Variants in ADGRD1 observed in about 807,000 individuals in gnomAD.
The protein encoded by ADGRD1 is adhesion G protein-coupled receptor D1.
Under a neutral mutation model 113.4 loss-of-function variants are expected in ADGRD1, and 77 were observed. That is an observed-to-expected ratio of 0.68 (90% CI 0.57 to 0.82). The LOEUF (loss-of-function observed/expected upper bound fraction) is 0.82. ADGRD1 is among the 40% of genes least tolerant of loss of function. The pLI, the probability that ADGRD1 is intolerant of heterozygous loss-of-function variation, is 0.00. For missense variants in ADGRD1, 1,036 were observed against 1,139.1 expected (o/e 0.91, Z 1.30); for synonymous variants, 474 against 475.0 (o/e 1.00, Z 0.03).
chr12:131,085,254 G>A (rs994044183), intron 15 of ADGRD1, among the ~76,000 whole-genome samples: 6 of 152,178 alleles, frequency 3.9e-5, no homozygotes, highest in Admixed American at 3.3e-4. Context: ...GTGAGGAGAG[G>A]TGTCTCCGGG....
intron 14 of ADGRD1, among the ~76,000 whole-genome samples, chr12:131,082,943 G>A (rs935206355): frequency 2.0e-5 from 3 of 152,136 alleles, no homozygotes; most frequent in African/African-American, 4.8e-5. Context: ...GGGTCATGTC[G>A]GAAAGACCGT....
chr12:131,015,710 T>G (rs1234032577), intron 13 of ADGRD1, among the ~76,000 whole-genome samples: 1 of 152,158 alleles, frequency 6.6e-6, no homozygotes, highest in Admixed American at 6.5e-5. Flanking sequence ...TCTCTGCATG[T>G]GACCAGCCGT....
chr12:131,053,794 G>A (rs1357533136), intron 13 of ADGRD1, among the ~76,000 whole-genome samples: 2 of 152,166 alleles, frequency 1.3e-5, no homozygotes, highest in African/African-American at 2.4e-5. Context: ...GTCACATGGT[G>A]AGAAACACTT....
chr12:131,112,970 A>G (rs1950378616), intron 18 of ADGRD1, among the ~76,000 whole-genome samples: 1 of 152,218 alleles, frequency 6.6e-6, no homozygotes, highest in South Asian at 2.1e-4. Context: ...CTTCTAAAGC[A>G]CAAAGTTGGG....
In ADGRD1 at chr12:131,006,096, G is replaced by A. The variant is rs372246086; in HGVS notation, c.1331+49G>A. The A allele has an allele frequency of 2.3e-5, 34 of 1,498,906 alleles. No homozygotes were observed. The African/African-American group carries it at 3.6e-4, about 16-fold the overall frequency. 92.9% of individuals were successfully genotyped at this position (1,498,906 alleles called of 1,614,324 possible). ...CAGGGGCGTGGGTGTGCGTGGGTTT[G>A]CTGGGTGGCTGGCCACAGGGATGCC... On this transcript the variant is annotated intron_variant, in intron 12 of 24. Transcript: ENST00000261654.
intron 4 of ADGRD1, among the ~76,000 whole-genome samples, chr12:130,979,153 G>A (rs1005576997): frequency 2.0e-5 from 3 of 152,164 alleles, no homozygotes; most frequent in Admixed American, 6.5e-5. Flanking sequence ...ACCCTTTTGC[G>A]GTAACCCACA....
At chr12:131,072,891 G>C (rs1034160503) in intron 13 of ADGRD1, among the ~76,000 whole-genome samples, 1 of 152,236 alleles carries the variant, frequency 6.6e-6, no homozygotes. Context: ...GGCGCCCCAA[G>C]GCACTGCTCA....
At chr12:131,001,093 TC>T (rs1300352279) in intron 9 of ADGRD1, among the ~76,000 whole-genome samples, 4 of 152,208 alleles carry the variant, frequency 2.6e-5, no homozygotes, top group Non-Finnish European at 5.9e-5. Flanking sequence ...ATTTTTTTTT[TC>T]TTTACCATCC....
At chr12:131,118,135 T>C (rs920050885) in intron 18 of ADGRD1, among the ~76,000 whole-genome samples, 1 of 152,272 alleles carries the variant, frequency 6.6e-6, no homozygotes, top group African/African-American at 2.4e-5. Context: ...TGAAGACTCA[T>C]ACACTTTGTT....
In ADGRD1 at chr12:131,084,432, G is replaced by A. The variant is rs538281006; in HGVS notation, c.1548-108G>A. The A allele has an allele frequency of 2.4e-5, 29 of 1,199,654 alleles. No individual in the cohort carries two copies. Among genetic ancestry groups the A allele is most frequent in the Admixed American group, 8.9e-5 (5 of 56,240 alleles). The allele number at this position is 1,199,654 out of a possible 1,614,324, so 74.3% of individuals were successfully genotyped here. A position where few individuals can be genotyped will look rare whatever the true frequency, so the allele number is the denominator to read the frequency against. ...CATTCCTGGCGTGGCAGGTGTGGGCGCCGCCATGAGTTCACGGGGCCATGT... is the reference window on the plus strand; with the variant it reads ...CATTCCTGGCGTGGCAGGTGTGGGCACCGCCATGAGTTCACGGGGCCATGT... On this transcript the variant is annotated intron_variant, in intron 14 of 24. Coordinates refer to ENST00000261654, the MANE Select transcript of ADGRD1 (RefSeq NM_198827.5). The surrounding 1 kb of genome is among the most constrained non-coding windows in gnomAD (Gnocchi z 4.5).
chr12:131,013,354 G>A (rs1455454752), intron 12 of ADGRD1, among the ~76,000 whole-genome samples: 1 of 152,126 alleles, frequency 6.6e-6, no homozygotes, highest in East Asian at 1.9e-4. Context: ...CCATCTCTCA[G>A]CAATTCCCTT....
intron 14 of ADGRD1, among the ~76,000 whole-genome samples, chr12:131,080,872 G>A (rs983504683): frequency 6.6e-6 from 1 of 152,142 alleles, no homozygotes; most frequent in Non-Finnish European, 1.5e-5. Context: ...CGCCCGCCTC[G>A]GCCTCCCAAA....
rs1310409603 is a variant in ADGRD1, at chr12:131,004,314, G to A, written c.1255+18G>A. The A allele has an allele frequency of 2.0e-6, 3 of 1,532,314 alleles. No individual in the cohort carries two copies. In the African/African-American group the frequency reaches 4.1e-5, roughly 21 times the overall value. 94.9% of individuals were successfully genotyped at this position (1,532,314 alleles called of 1,614,324 possible). A position where few individuals can be genotyped will look rare whatever the true frequency, so the allele number is the denominator to read the frequency against. ...CAGGCACGGTGAGTGTGGCTGCGCT[G>A]GACTCCCTTCCGGGGCGGCTCCCTC... On this transcript the variant is annotated intron_variant, in intron 11 of 24. Coordinates refer to ENST00000261654, the MANE Select transcript of ADGRD1 (RefSeq NM_198827.5).
At chr12:131,126,732 T>A (rs1279064247) in intron 20 of ADGRD1, among the ~76,000 whole-genome samples, 1 of 152,202 alleles carries the variant, frequency 6.6e-6, no homozygotes, top group Non-Finnish European at 1.5e-5. Flanking sequence ...CCAGTTTTTC[T>A]TCTGCAGTGA....
chr12:131,016,159 C>T (rs1878545618), intron 13 of ADGRD1, among the ~76,000 whole-genome samples: 3 of 152,250 alleles, frequency 2.0e-5, no homozygotes, highest in Admixed American at 1.3e-4. Flanking sequence ...AAGGGAACCT[C>T]CCTCCACGCG....
chr12:131,132,754 A>C (rs1277437660), intron 21 of ADGRD1, among the ~76,000 whole-genome samples: 2 of 152,150 alleles, frequency 1.3e-5, no homozygotes, highest in Admixed American at 1.3e-4. Flanking sequence ...TGACCGTGTG[A>C]CTGTTCAGTT....
chr12:130,984,696 G>A lies in ADGRD1; in HGVS notation c.491-2399G>A, dbSNP rs1435461960. Among the ~76,000 whole-genome samples, 3 of 151,670 alleles carry A rather than the reference G, an allele frequency of 2.0e-5. No individual in the cohort carries two copies. The East Asian group carries it at 5.8e-4, about 29-fold the overall frequency. ...TGCTCTCGGTGTTGTACATTCTATG[G>A]GTTGGTGAGGTTGATCTTTCGCCCA... On this transcript the variant is annotated intron_variant, in intron 5 of 24. Transcript: ENST00000261654. The surrounding 1 kb of genome is among the most constrained non-coding windows in gnomAD (Gnocchi z 4.1).
At chr12:130,969,033 T>G in intron 3 of ADGRD1, 1 of 1,534,240 alleles carries the variant, frequency 6.5e-7, no homozygotes, top group Non-Finnish European at 8.7e-7. Flanking sequence ...TTTTGTGTAT[T>G]CCAATGATTC....
rs569973795 is a variant in ADGRD1 at position 130,965,288 on chromosome 12, G to A, written c.104-1175G>A. On this transcript the variant is annotated intron_variant, in intron 2 of 24. Coordinates refer to ENST00000261654, the MANE Select transcript of ADGRD1 (RefSeq NM_198827.5). This position sits in a 1 kb window ranked among gnomAD's most constrained non-coding sequence, Gnocchi z 4.8. ...TTGTTTGTAATAGTGTTTCACTGAC[G>A]AAATTCTTTTCTTATTTGTAATCGT... is the stretch of plus-strand genomic sequence containing the variant. Among the ~76,000 whole-genome samples, 7 of 152,062 alleles carry A rather than the reference G, an allele frequency of 4.6e-5. No homozygotes were observed. The highest frequency in any genetic ancestry group is 1.4e-4 in the African/African-American group (6 of 41,406).
Sources: allele counts gnomAD v4.1 joint callset (sites outside exome capture counted in the v4.1 genomes callset), GRCh38; gene constraint gnomAD v4.1.1; non-coding constraint Gnocchi (gnomAD v3.1); transcripts MANE v1.5; gene names NCBI Gene and HGNC (gene_info 2026-07-23, HGNC 2026-07-21).